Variants in STX8 observed in about 807,000 individuals in gnomAD.
STX8 encodes the protein syntaxin-8.
STX8 carries 23 observed loss-of-function variants against 37.5 expected under a neutral mutation model. That is an observed-to-expected ratio of 0.61 (90% CI 0.44 to 0.87). The LOEUF is 0.87. Ranked by LOEUF, STX8 falls within the 40% of genes least tolerant of loss-of-function variation. The pLI, the probability that STX8 is intolerant of heterozygous loss-of-function variation, is 0.00. For missense variants in STX8, 313 were observed against 284.7 expected (o/e 1.10, Z -0.71); for synonymous variants, 115 against 99.1 (o/e 1.16, Z -0.95).
At chr17:9,421,040 A>T (rs1225154277) in intron 6 of STX8, among the ~76,000 whole-genome samples, 1 of 152,100 alleles carries the variant, frequency 6.6e-6, no homozygotes, top group Non-Finnish European at 1.5e-5. Context: ...CGTTTCCCCA[A>T]CTTGAGTCCT....
intron 7 of STX8, among the ~76,000 whole-genome samples, chr17:9,329,965 A>G (rs890408082): frequency 6.6e-6 from 1 of 152,124 alleles, no homozygotes; most frequent in African/African-American, 2.4e-5. Context: ...CCTGAGGCAG[A>G]GGGTGCAGCT....
At chr17:9,333,528 T>G (rs59932053) in intron 7 of STX8, among the ~76,000 whole-genome samples, 30,594 of 151,918 alleles carry the variant, frequency 0.2, 3,394 homozygotes, top group African/African-American at 0.29. Flanking sequence ...GCTGGGACTA[T>G]AGGCGCCCGC....
chr17:9,417,800 G>C (rs192939104), intron 6 of STX8, among the ~76,000 whole-genome samples: 52 of 152,220 alleles, frequency 3.4e-4, no homozygotes, highest in African/African-American at 1.3e-3. Context: ...GAACCTCCAC[G>C]AACACCCCTA....
At chr17:9,472,072 T>A (rs771822458) in intron 6 of STX8, among the ~76,000 whole-genome samples, 23,407 of 95,316 alleles carry the variant, frequency 0.25, 1,862 homozygotes, top group Non-Finnish European at 0.28. Context: ...GTAGATTCCT[T>A]TTTTTTTTTT....
intron 6 of STX8, among the ~76,000 whole-genome samples, chr17:9,483,283 G>A (rs1283141816): frequency 6.6e-6 from 1 of 151,842 alleles, no homozygotes; most frequent in Non-Finnish European, 1.5e-5. Flanking sequence ...CGTTCTCCAC[G>A]TTCAGAGTCA....
chr17:9,358,173 C>T (rs908407214), intron 7 of STX8, among the ~76,000 whole-genome samples: 1 of 151,978 alleles, frequency 6.6e-6, no homozygotes, highest in Admixed American at 6.6e-5. Context: ...GGTAAGAAAG[C>T]GAGACTTCAT....
chr17:9,305,121 T>C (rs943141335), intron 7 of STX8, among the ~76,000 whole-genome samples: 1 of 151,872 alleles, frequency 6.6e-6, no homozygotes, highest in Non-Finnish European at 1.5e-5. Flanking sequence ...TGAGATGGAG[T>C]CTCGCTCTGT....
intron 7 of STX8, among the ~76,000 whole-genome samples, chr17:9,279,408 C>T (rs966459330): frequency 5.3e-5 from 8 of 152,094 alleles, no homozygotes; most frequent in Non-Finnish European, 1.0e-4. Flanking sequence ...TATTAATGAA[C>T]CTGACGCTCA....
intron 6 of STX8, among the ~76,000 whole-genome samples, chr17:9,388,462 T>C (rs1408484964): frequency 6.6e-6 from 1 of 151,850 alleles, no homozygotes; most frequent in Non-Finnish European, 1.5e-5. Flanking sequence ...AATACCCCAG[T>C]ATAACAACAG....
rs190974525 is a variant in STX8, at chr17:9,268,379, A to T, written c.644-17734T>A. Among the ~76,000 whole-genome samples the T allele has an allele frequency of 9.1e-4, 139 of 152,306 alleles. 4 individuals are homozygous for T. Among genetic ancestry groups the T allele is most frequent in the Admixed American group, 8.7e-3 (133 of 15,298 alleles). ...CTTACCAAAAGTGGCAGCGGGGCTT[A>T]GAGTTTGATCTAGGAAATACACAAG... On this transcript the variant is annotated intron_variant, in intron 7 of 7. Transcript: ENST00000306357.
At chr17:9,319,874 C>A (rs1013615574) in intron 7 of STX8, among the ~76,000 whole-genome samples, 2 of 151,836 alleles carry the variant, frequency 1.3e-5, no homozygotes, top group Non-Finnish European at 2.9e-5. Context: ...TCACTTGAAC[C>A]CAGGGGGCAG....
At chr17:9,398,692 G>A (rs1318326857) in intron 6 of STX8, among the ~76,000 whole-genome samples, 1 of 152,104 alleles carries the variant, frequency 6.6e-6, no homozygotes, top group Non-Finnish European at 1.5e-5. Context: ...CAATTTCTCT[G>A]TAAATCTAAA....
intron 6 of STX8, among the ~76,000 whole-genome samples, chr17:9,475,871 C>G (rs956681156): frequency 6.6e-6 from 1 of 152,186 alleles, no homozygotes; most frequent in Non-Finnish European, 1.5e-5. Context: ...AAGAAAGAAG[C>G]CTTTCGGGTA....
intron 6 of STX8, among the ~76,000 whole-genome samples, chr17:9,453,653 C>T (rs891144181): frequency 1.3e-5 from 2 of 151,892 alleles, no homozygotes; most frequent in African/African-American, 4.8e-5. Flanking sequence ...CCACCATGCC[C>T]AGCTAATTTT....
chr17:9,395,342 C>T (rs529239289), intron 6 of STX8, among the ~76,000 whole-genome samples: 134 of 152,264 alleles, frequency 8.8e-4, no homozygotes, highest in African/African-American at 3.0e-3. Context: ...TGGCTCATGC[C>T]TCTAATCCCA....
At chr17:9,462,996 A>G (rs981893930) in intron 6 of STX8, among the ~76,000 whole-genome samples, 1 of 152,224 alleles carries the variant, frequency 6.6e-6, no homozygotes, top group Admixed American at 6.5e-5. Flanking sequence ...CCAAGGAATA[A>G]TATTCATCCA....
At chr17:9,464,633 G>T (rs1307919529) in intron 6 of STX8, 1 of 151,736 alleles carries the variant, frequency 6.6e-6, no homozygotes, top group African/African-American at 2.4e-5. Context: ...GAAGTGAGCA[G>T]ATCATAAATG....
intron 4 of STX8, among the ~76,000 whole-genome samples, chr17:9,525,485 T>G (rs1905529276): frequency 6.6e-6 from 1 of 152,058 alleles, no homozygotes; most frequent in African/African-American, 2.4e-5. Context: ...TAGCTGGGAC[T>G]ACAGGCGCCC....
At chr17:9,403,051 G>T (rs1325026300) in intron 6 of STX8, among the ~76,000 whole-genome samples, 4 of 152,162 alleles carry the variant, frequency 2.6e-5, no homozygotes. Flanking sequence ...ACATCCAAAA[G>T]AGACAAAGGG....
Sources: allele counts gnomAD v4.1 joint callset (sites outside exome capture counted in the v4.1 genomes callset), GRCh38; gene constraint gnomAD v4.1.1; transcripts MANE v1.5; gene names NCBI Gene and HGNC (gene_info 2026-07-23, HGNC 2026-07-21).